Variants in UTRN observed in about 807,000 individuals in gnomAD.
UTRN encodes the protein utrophin.
Under a neutral mutation model 463.9 loss-of-function variants are expected in UTRN, and 283 were observed. The ratio of observed to expected loss-of-function variants is 0.61; its 90% CI spans 0.55 to 0.67. UTRN has a LOEUF of 0.67. Among genes scored for constraint, UTRN ranks in the 30% least tolerant of loss-of-function variants. The pLI, the probability that UTRN is intolerant of heterozygous loss-of-function variation, is 0.00. For missense variants in UTRN, 3,922 were observed against 4,084.3 expected (o/e 0.96, Z 1.08); for synonymous variants, 1,442 against 1,431.5 (o/e 1.01, Z -0.17).
At chr6:144,357,609 G>C (rs1778684651) in intron 2 of UTRN, among the ~76,000 whole-genome samples, 1 of 152,152 alleles carries the variant, frequency 6.6e-6, no homozygotes. Flanking sequence ...AAGTCTACAA[G>C]AACGGAATAG....
Position 144,435,987 on chromosome 6 carries a change from C to G in UTRN, c.908C>G (p.Thr303Ser). The G allele has an allele frequency of 6.2e-7, 1 of 1,614,224 alleles. No homozygotes were observed. Among genetic ancestry groups the G allele is most frequent in the Non-Finnish European group, 8.5e-7 (1 of 1,180,040 alleles). The change falls in exon 10 of 75, where the codon ACT becomes AGT. Residue 303 changes from threonine to serine, a missense_variant. This residue lies in a region of UTRN where 2,349 missense variants were observed against 2,303.8 expected (regional missense o/e 1.02). Coordinates refer to ENST00000367545, the MANE Select transcript of UTRN (RefSeq NM_007124.3). Reference protein sequence around the residue: ...HESPRAETPSTVTEVDMDLDS... With the variant: ...HESPRAETPSSVTEVDMDLDS... ...AGTCCCCGAGCTGAAACTCCCAGCA[C>G]TGTCACTGAGGTTGACATGGATCTG...
chr6:144,346,151 C>T (rs1416049720), intron 2 of UTRN, among the ~76,000 whole-genome samples: 2 of 147,244 alleles, frequency 1.4e-5, no homozygotes, highest in Non-Finnish European at 3.0e-5. Context: ...GCACTCCAGC[C>T]TGGGTGAAAG....
At chr6:144,579,419 C>T (rs544749975) in intron 51 of UTRN, among the ~76,000 whole-genome samples, 69 of 152,102 alleles carry the variant, frequency 4.5e-4, no homozygotes, top group Non-Finnish European at 9.0e-4. Flanking sequence ...AGGCTGTGCA[C>T]TTGAGTAGGT....
Position 144,421,072 on chromosome 6 carries a change from T to C in UTRN, c.142-806T>C, listed in dbSNP as rs149009627. On this transcript the variant is annotated intron_variant, in intron 3 of 74. Transcript: ENST00000367545. ...CCCAGGCTGGAGTGCAGTGGCACGA[T>C]CTTGGCTCACTGCAACCTTCACCTC... 2.6e-3 allele frequency among the ~76,000 whole-genome samples: 396 copies of C among 152,304 alleles called. 1 individual carries two copies. The highest frequency in any genetic ancestry group is 8.9e-3 in the African/African-American group (369 of 41,574).
chr6:144,430,809 G>A lies in UTRN; in HGVS notation c.855+1068G>A, dbSNP rs145238812. ...ATGATACTAGTCTTGAATTGACATA[G>A]CATCTTTTTTTTCCATCCTCTGAGA... On this transcript the variant is annotated intron_variant, in intron 9 of 74. Transcript: ENST00000367545. Among the ~76,000 whole-genome samples, 831 of 151,976 alleles carry A rather than the reference G, an allele frequency of 5.5e-3. 1 individual carries two copies. The highest frequency in any genetic ancestry group is 0.01 in the Middle Eastern group (3 of 294).
intron 2 of UTRN, chr6:144,330,779 G>T: frequency 1.0e-6 from 1 of 977,554 alleles, no homozygotes; most frequent in South Asian, 4.7e-5. Context: ...GACCATTCTG[G>T]TCCGGGCAGT....
chr6:144,750,316 G>A (rs772271078), intron 55 of UTRN, among the ~76,000 whole-genome samples: 3 of 151,932 alleles, frequency 2.0e-5, no homozygotes, highest in East Asian at 1.9e-4. Flanking sequence ...TTAAAATGCC[G>A]AATCTGCAGC....
intron 51 of UTRN, among the ~76,000 whole-genome samples, chr6:144,676,879 T>A (rs1354565574): frequency 6.6e-6 from 1 of 152,194 alleles, no homozygotes; most frequent in East Asian, 1.9e-4. Flanking sequence ...CTTAGTGACC[T>A]CTGTAAGATG....
At chr6:144,466,371 T>C (rs529129103) in intron 23 of UTRN, among the ~76,000 whole-genome samples, 86 of 152,356 alleles carry the variant, frequency 5.6e-4, no homozygotes, top group Middle Eastern at 3.4e-3. Flanking sequence ...GTGTTTTTCC[T>C]CATTTGCCTG....
intron 11 of UTRN, among the ~76,000 whole-genome samples, chr6:144,438,162 A>T (rs1245861103): frequency 6.6e-6 from 1 of 152,086 alleles, no homozygotes; most frequent in Non-Finnish European, 1.5e-5. Flanking sequence ...GCTACTTGGG[A>T]GGTTGAGGTA....
intron 2 of UTRN, among the ~76,000 whole-genome samples, chr6:144,357,453 A>G (rs1778668159): frequency 1.3e-5 from 2 of 152,354 alleles, no homozygotes; most frequent in East Asian, 3.9e-4. Flanking sequence ...ATATCCACAA[A>G]TAGTGTTTTA....
chr6:144,821,131 T>C (rs1195585754), intron 66 of UTRN, 113 bp downstream of exon 66: 3 of 1,288,200 alleles, frequency 2.3e-6, no homozygotes. Flanking sequence ...TTAGAGGAGG[T>C]AAATTAAACT....
chr6:144,421,961 A>C lies in UTRN; in HGVS notation c.225A>C (p.Gly75=), dbSNP rs1225604085. The change falls in exon 4 of 75, where the codon GGA becomes GGC. Residue 75 remains glycine, a synonymous_variant. Coordinates refer to ENST00000367545, the MANE Select transcript of UTRN (RefSeq NM_007124.3). ...KLLDLLEGLT[G]TSLPKERGST... ...TGGATCTTCTAGAAGGCCTCACAGG[A>C]ACATCACTGGTGAGCAAGTCATCTT... is the stretch of plus-strand genomic sequence containing the variant. The C allele has an allele frequency of 6.2e-7, 1 of 1,610,588 alleles. No homozygotes were observed. The highest frequency in any genetic ancestry group is 1.3e-5 in the African/African-American group (1 of 74,760).
chr6:144,329,909 G>A (rs918249576), intron 2 of UTRN, among the ~76,000 whole-genome samples: 2 of 152,194 alleles, frequency 1.3e-5, no homozygotes, highest in Non-Finnish European at 2.9e-5. Context: ...CACTGCACTG[G>A]GTGTAGTTGA....
intron 54 of UTRN, among the ~76,000 whole-genome samples, chr6:144,740,987 A>T (rs1790001770): frequency 6.6e-6 from 1 of 152,190 alleles, no homozygotes; most frequent in African/African-American, 2.4e-5. Flanking sequence ...CTGAGACATT[A>T]CTTTCTGATT....
chr6:144,425,146 G>T (rs1371359031), intron 6 of UTRN, among the ~76,000 whole-genome samples: 1 of 151,992 alleles, frequency 6.6e-6, no homozygotes, highest in Non-Finnish European at 1.5e-5. Flanking sequence ...TCATGATATT[G>T]ATATTTTTGA....
At chr6:144,744,736 G>C (rs552583931) in intron 54 of UTRN, among the ~76,000 whole-genome samples, 1 of 151,916 alleles carries the variant, frequency 6.6e-6, no homozygotes, top group Non-Finnish European at 1.5e-5. Context: ...TTCTCCTGCT[G>C]TTTCCTCTGT....
intron 51 of UTRN, among the ~76,000 whole-genome samples, chr6:144,656,320 A>T (rs976776432): frequency 2.6e-5 from 4 of 152,230 alleles, no homozygotes; most frequent in Non-Finnish European, 5.9e-5. Flanking sequence ...ATTACAGGTG[A>T]TAATGTATCA....
chr6:144,808,727 A>C (rs894132642), intron 65 of UTRN, among the ~76,000 whole-genome samples: 6 of 148,658 alleles, frequency 4.0e-5, no homozygotes, highest in African/African-American at 1.5e-4. Flanking sequence ...TATGAGCTTG[A>C]CTTTTTTTTT....
Sources: gnomAD v4.1 joint callset for allele counts (sites outside exome capture counted in the v4.1 genomes callset) on GRCh38, gnomAD v4.1.1 for gene constraint, gnomAD v4.1.1 regional missense constraint, MANE v1.5 for transcripts, NCBI Gene and HGNC (gene_info 2026-07-23, HGNC 2026-07-21) for gene names.